Variants in HDAC4 observed in about 807,000 individuals in gnomAD.
HDAC4 encodes the protein histone deacetylase 4.
Under a neutral mutation model 135.1 loss-of-function variants are expected in HDAC4, and 16 were observed. The observed-to-expected ratio is 0.12, with a 90% CI of 0.08 to 0.18. The LOEUF (loss-of-function observed/expected upper bound fraction) is 0.18, where lower values mean the gene tolerates loss of function less well. HDAC4 is among the 10% of genes least tolerant of loss of function. The probability of loss-of-function intolerance (pLI) is 1.00; values close to 1 mark genes in which losing one functional copy is unlikely to be tolerated. For missense variants in HDAC4, 1,143 were observed against 1,511.8 expected, an observed-to-expected ratio of 0.76 and a Z score of 4.05; for synonymous variants, 685 against 653.4, an observed-to-expected ratio of 1.05 and a Z score of -0.74.
intron 3 of HDAC4, among the ~76,000 whole-genome samples, chr2:239,198,109 G>C (rs980616334): frequency 6.6e-6 from 1 of 152,082 alleles, no homozygotes; most frequent in African/African-American, 2.4e-5. Context: ...GCCTCCCAAA[G>C]TGCTGGGATT....
rs1467706106 is a variant in HDAC4 at position 239,050,809 on chromosome 2, T to G, written c.*2288A>C. 1 of 152,598 alleles carries G rather than the reference T, an allele frequency of 6.6e-6. No individual in the cohort carries two copies. The highest frequency in any genetic ancestry group is 1.5e-5 in the Non-Finnish European group (1 of 68,052). The allele number at this position is 152,598 out of a possible 1,614,324, so 9.5% of individuals were successfully genotyped here. A position where few individuals can be genotyped will look rare whatever the true frequency, so the allele number is the denominator to read the frequency against. The stretch of plus-strand genomic sequence containing the variant: ...TGGAAAATAAGTTACCAGTAAAACG[T>G]GACTGTCAGTTACTGTTGAAGAGAA... On this transcript the variant is annotated 3_prime_UTR_variant, in exon 27 of 27. Coordinates refer to ENST00000543185, the MANE Select transcript of HDAC4 (RefSeq NM_001378414.1).
At chr2:239,066,686 G>A (rs1316569607) in intron 24 of HDAC4, 36 bp downstream of exon 24, 1 of 1,612,836 alleles carries the variant, frequency 6.2e-7, no homozygotes, top group East Asian at 2.2e-5. Context: ...GCCTGTCAGT[G>A]TGGAGCATCC....
chr2:239,284,727 G>A (rs183758618), intron 2 of HDAC4, among the ~76,000 whole-genome samples: 101 of 152,230 alleles, frequency 6.6e-4, no homozygotes, highest in Non-Finnish European at 1.2e-3. Flanking sequence ...GAGCGCCCAC[G>A]CCCCAGAGCC....
intron 2 of HDAC4, among the ~76,000 whole-genome samples, chr2:239,292,899 G>C (rs1329950169): frequency 2.0e-5 from 3 of 152,160 alleles, no homozygotes; most frequent in Non-Finnish European, 4.4e-5. Flanking sequence ...GCAAAACCTT[G>C]CTCAGGCCTT....
chr2:239,061,181 G>A (rs758084862), intron 24 of HDAC4, among the ~76,000 whole-genome samples: 12 of 152,240 alleles, frequency 7.9e-5, no homozygotes, highest in South Asian at 4.1e-4. Context: ...ATGAATGTGC[G>A]TGACAGCATG....
At chr2:239,384,237 A>G (rs1695627692) in intron 1 of HDAC4, among the ~76,000 whole-genome samples, 1 of 152,214 alleles carries the variant, frequency 6.6e-6, no homozygotes, top group Admixed American at 6.5e-5. Context: ...GCGTGGGCTG[A>G]AAAGATCCAT....
Position 239,270,231 on chromosome 2 carries a change from G to A in HDAC4, c.23-33567C>T, listed in dbSNP as rs951089446. Among the ~76,000 whole-genome samples the A allele has an allele frequency of 3.3e-5, 5 of 152,164 alleles. No homozygotes were observed. The East Asian group carries it at 5.8e-4, about 18-fold the overall frequency. ...TGGACCCTGTGGCCTGTCCACATCC[G>A]TATGTGTAAAAATGAATGGATGACG... On this transcript the variant is annotated intron_variant, in intron 2 of 26. Transcript: ENST00000543185.
intron 2 of HDAC4, among the ~76,000 whole-genome samples, chr2:239,284,779 C>T (rs529570079): frequency 7.9e-5 from 12 of 152,248 alleles, no homozygotes; most frequent in Middle Eastern, 3.4e-3. Flanking sequence ...ACCAGTGTCC[C>T]GGTTCAAAAG....
intron 3 of HDAC4, among the ~76,000 whole-genome samples, chr2:239,230,401 T>A (rs169731): frequency 7.2e-6 from 1 of 138,804 alleles, no homozygotes; most frequent in Non-Finnish European, 1.5e-5. Context: ...GCAAAGCAGG[T>A]GACATGTTCC....
chr2:239,119,670 C>G (rs1012175546), intron 12 of HDAC4, among the ~76,000 whole-genome samples: 2 of 151,660 alleles, frequency 1.3e-5, no homozygotes, highest in Admixed American at 6.6e-5. Context: ...GCTGAGGACA[C>G]GGAGATGGGA....
At position 239,303,241 on chromosome 2, in the gene HDAC4, G is replaced by T. The variant is rs1391054071; in HGVS notation, c.22+49437C>A. The stretch of plus-strand genomic sequence containing the variant: ...ACAGGAGGGCACAGGGACAGGCCTG[G>T]AGGACAAGGTCCCTGGAATCCCCGA... On this transcript the variant is annotated intron_variant, in intron 2 of 26. Coordinates refer to ENST00000543185, the MANE Select transcript of HDAC4 (RefSeq NM_001378414.1). This position sits in a 1 kb window ranked among gnomAD's most constrained non-coding sequence, Gnocchi z 5.1. Among the ~76,000 whole-genome samples, 3 of 152,258 alleles carry T rather than the reference G, an allele frequency of 2.0e-5. No homozygotes were observed. Among genetic ancestry groups the T allele is most frequent in the African/African-American group, 7.2e-5 (3 of 41,466 alleles).
chr2:239,085,049 C>G (rs887497664), intron 19 of HDAC4, among the ~76,000 whole-genome samples: 24 of 150,948 alleles, frequency 1.6e-4, no homozygotes, highest in African/African-American at 5.6e-4. Flanking sequence ...CAGACACACA[C>G]ACACACACAC....
intron 2 of HDAC4, among the ~76,000 whole-genome samples, chr2:239,319,770 A>G (rs928010405): frequency 6.6e-6 from 1 of 152,254 alleles, no homozygotes; most frequent in East Asian, 1.9e-4. Flanking sequence ...TGGTTCTCAA[A>G]AACAGTCCTG....
chr2:239,337,727 C>T (rs1475353903), intron 2 of HDAC4, among the ~76,000 whole-genome samples: 1 of 152,136 alleles, frequency 6.6e-6, no homozygotes, highest in African/African-American at 2.4e-5. Flanking sequence ...ACAGGATGCA[C>T]CCAAAGTGGC....
chr2:239,120,409 A>ATG (rs2039560030), intron 12 of HDAC4, among the ~76,000 whole-genome samples: 4 of 130,750 alleles, frequency 3.1e-5, no homozygotes, highest in African/African-American at 1.2e-4. Flanking sequence ...ACAGACACAC[A>ATG]CACACAGACA....
chr2:239,184,233 GCAACCTACATA>G (rs1172942449), intron 4 of HDAC4, among the ~76,000 whole-genome samples: 1 of 152,216 alleles, frequency 6.6e-6, no homozygotes, highest in Non-Finnish European at 1.5e-5. Flanking sequence ...AGGGCGATGT[GCAACCTACATA>G]CAAAAGGTGC....
chr2:239,134,110 G>A, intron 11 of HDAC4, 135 bp downstream of exon 11: 1 of 719,030 alleles, frequency 1.4e-6, no homozygotes. Flanking sequence ...CACGTGATGG[G>A]GATGTGTGTT....
chr2:239,168,639 C>G lies in HDAC4; in HGVS notation c.491-4716G>C, dbSNP rs368914098. On this transcript the variant is annotated intron_variant, in intron 5 of 26. Transcript: ENST00000543185. ...CTTAGATGCTGGCGGTGCTTCGTGTCCCCCGCGCCGGCCCGCCACTGCTCC... is the reference window on the plus strand; with the variant it reads ...CTTAGATGCTGGCGGTGCTTCGTGTGCCCCGCGCCGGCCCGCCACTGCTCC... Among the ~76,000 whole-genome samples, 6 of 152,300 alleles carry G rather than the reference C, an allele frequency of 3.9e-5. No homozygotes were observed. In the South Asian group the frequency reaches 1.0e-3, roughly 26 times the overall value.
At chr2:239,327,426 C>T (rs1472830692) in intron 2 of HDAC4, among the ~76,000 whole-genome samples, 1 of 152,238 alleles carries the variant, frequency 6.6e-6, no homozygotes, top group East Asian at 1.9e-4. Context: ...AGGTGTCCAG[C>T]GAGTGAAACT....
Sources: allele counts gnomAD v4.1 joint callset (sites outside exome capture counted in the v4.1 genomes callset), GRCh38; gene constraint gnomAD v4.1.1; non-coding constraint Gnocchi (gnomAD v3.1); transcripts MANE v1.5; gene names NCBI Gene and HGNC (gene_info 2026-07-23, HGNC 2026-07-21).